Variants in HAAO observed in about 807,000 individuals in gnomAD.
HAAO encodes 3-hydroxyanthranilate oxygenase.
In HAAO, 49 loss-of-function variants were observed where a neutral mutation model predicts 46.2. That is an observed-to-expected ratio of 1.06 (90% CI 0.84 to 1.34). The LOEUF (loss-of-function observed/expected upper bound fraction) is 1.34, where lower values mean the gene tolerates loss of function less well. Ranked by LOEUF, HAAO falls within the 40% of genes most tolerant of loss-of-function variation. The pLI is 0.00. For synonymous variants in HAAO, 157 were observed against 145.2 expected (o/e 1.08, Z -0.58); for missense variants, 408 against 364.5 (o/e 1.12, Z -0.97).
intron 4 of HAAO, 140 bp from the exon 5 acceptor site, chr2:42,770,722 A>G (rs1228615893): frequency 1.8e-6 from 1 of 545,158 alleles, no homozygotes; most frequent in African/African-American, 1.9e-5. Context: ...CCTAGTGGTC[A>G]CTGGTCACTT....
chr2:42,770,027 A>C (rs966726323), intron 6 of HAAO, 116 bp downstream of exon 6: 1 of 1,127,466 alleles, frequency 8.9e-7, no homozygotes, highest in African/African-American at 1.6e-5. Context: ...TCTTCTTAGT[A>C]CCTTGAGGAC....
At chr2:42,770,253 C>A in intron 5 of HAAO, 67 bp from the exon 6 acceptor site, 4 of 1,324,338 alleles carry the variant, frequency 3.0e-6, no homozygotes, top group Non-Finnish European at 4.3e-6. Flanking sequence ...GCGACACACA[C>A]ATACACCACA....
intron 7 of HAAO, 54 bp from the exon 8 acceptor site, chr2:42,767,982 G>C: frequency 6.6e-7 from 1 of 1,520,598 alleles, no homozygotes; most frequent in South Asian, 1.1e-5. Context: ...CATGGGAGAT[G>C]GTCTTGAACC....
intron 1 of HAAO, 90 bp from the exon 2 acceptor site, chr2:42,788,697 G>C (rs1672569863): frequency 1.2e-6 from 1 of 852,370 alleles, no homozygotes; most frequent in Non-Finnish European, 2.0e-6. Context: ...GGGAGCCTGA[G>C]GGCCCCTGGG....
chr2:42,788,676 G>C lies in HAAO; in HGVS notation c.81-69C>G, dbSNP rs868330698. ...GGAGTGAAGAGAGCACGGGTCCCGT[G>C]GGGGCCAGGAGGGAGCCTGAGGGCC... On this transcript the variant is annotated intron_variant, in intron 1 of 9. Transcript: ENST00000294973. The C allele has an allele frequency of 5.1e-5, 52 of 1,024,482 alleles. No individual in the cohort carries two copies. In the Middle Eastern group the frequency reaches 8.4e-3, roughly 165 times the overall value. 63.5% of individuals were successfully genotyped at this position (1,024,482 alleles called of 1,614,324 possible).
chr2:42,780,455 C>T (rs1247284823), intron 4 of HAAO, among the ~76,000 whole-genome samples: 6 of 151,866 alleles, frequency 4.0e-5, no homozygotes, highest in Non-Finnish European at 8.8e-5. Flanking sequence ...ATCCACCCGC[C>T]TCGGCTTCCC....
chr2:42,778,222 A>C (rs187432097), intron 4 of HAAO, among the ~76,000 whole-genome samples: 34 of 151,862 alleles, frequency 2.2e-4, no homozygotes, highest in African/African-American at 8.2e-4. Flanking sequence ...AATTTTTTCA[A>C]AAGTTAAGGT....
At chr2:42,791,923 G>GTGTGTGTGTGTGTGT (rs3040147) in intron 1 of HAAO, among the ~76,000 whole-genome samples, 4 of 150,170 alleles carry the variant, frequency 2.7e-5, no homozygotes, top group Non-Finnish European at 3.0e-5. Context: ...GGTCTGGTGT[G>GTGTGTGTGTGTGTGT]GTGTGTGTGT....
chr2:42,792,473 C>T lies in HAAO; in HGVS notation c.64G>A (p.Val22Ile). 6.3e-7 allele frequency: 1 copy of T among 1,589,820 alleles called. No homozygotes were observed. Among genetic ancestry groups the T allele is most frequent in the Non-Finnish European group, 8.6e-7 (1 of 1,168,482 alleles). The change falls in exon 1 of 10, where the codon GTC (valine) becomes ATC (isoleucine). Residue 22 changes from valine to isoleucine, a missense_variant. Val to Ile is a conservative substitution (Grantham distance 29, BLOSUM62 3). Transcript: ENST00000294973. The part of the protein sequence containing the change: ...KENRGSFQPP[V>I]CNKLMHQEQL... The stretch of plus-strand genomic sequence containing the variant: ...TGGACTCACATGAGCTTGTTGCAGA[C>T]CGGGGGCTGGAAGGAGCCCCGGTTC...
At chr2:42,783,041 C>T (rs1004605606) in intron 4 of HAAO, 22 of 524,748 alleles carry the variant, frequency 4.2e-5, no homozygotes, top group Non-Finnish European at 7.3e-5. Flanking sequence ...CACAACCTCA[C>T]GCAGAAAGCA....
At chr2:42,784,880 A>T (rs1167111036) in intron 2 of HAAO, among the ~76,000 whole-genome samples, 1 of 152,186 alleles carries the variant, frequency 6.6e-6, no homozygotes, top group East Asian at 1.9e-4. Context: ...GTTTATTGGG[A>T]TGCAGGACCC....
At chr2:42,768,020 A>T (rs1169472968) in intron 7 of HAAO, 92 bp from the exon 8 acceptor site, 2 of 1,155,012 alleles carry the variant, frequency 1.7e-6, no homozygotes, top group Non-Finnish European at 2.6e-6. Context: ...GCCTGCTTGG[A>T]GCAGGGTTGG....
At chr2:42,768,075 G>C (rs1218203579) in intron 7 of HAAO, 147 bp from the exon 8 acceptor site, 7 of 679,746 alleles carry the variant, frequency 1.0e-5, no homozygotes, top group Non-Finnish European at 2.5e-6. Flanking sequence ...CAGAGACCAG[G>C]ACTTGGAGAG....
chr2:42,792,004 C>T (rs920390), intron 1 of HAAO, among the ~76,000 whole-genome samples: 120,888 of 151,740 alleles, frequency 0.8, 48,500 homozygotes, highest in Middle Eastern at 0.93. Context: ...CCCAAAGGAG[C>T]GGATTCTCTG....
intron 1 of HAAO, 21 bp from the exon 2 acceptor site, chr2:42,788,628 G>A: frequency 7.2e-7 from 1 of 1,389,072 alleles, no homozygotes. Flanking sequence ...CAAAGTGGGG[G>A]AGACGTTCTA....
intron 4 of HAAO, among the ~76,000 whole-genome samples, chr2:42,773,031 G>T (rs1449630719): frequency 1.3e-5 from 2 of 150,996 alleles, no homozygotes; most frequent in East Asian, 1.9e-4. Flanking sequence ...CAGAGGAAAA[G>T]AATTGGGTGA....
chr2:42,775,157 G>T (rs897867653), intron 4 of HAAO, among the ~76,000 whole-genome samples: 1 of 147,670 alleles, frequency 6.8e-6, no homozygotes, highest in African/African-American at 2.5e-5. Flanking sequence ...TGAGGCAGGA[G>T]AATTGCTTGA....
chr2:42,774,358 G>A (rs1319480682), intron 4 of HAAO, among the ~76,000 whole-genome samples: 2 of 152,220 alleles, frequency 1.3e-5, no homozygotes, highest in East Asian at 1.9e-4. Context: ...CTTGGTACCC[G>A]CGTGAGCTAA....
In HAAO at chr2:42,783,858, G is replaced by A; in HGVS notation, c.169C>T (p.Gln57Ter). 1 of 1,610,428 alleles carries A rather than the reference G, an allele frequency of 6.2e-7. No individual in the cohort carries two copies. The highest frequency in any genetic ancestry group is 8.5e-7 in the Non-Finnish European group (1 of 1,178,344). Reference sequence around the variant, plus strand: ...CGGAGAACCATGTCTCCCTCCAGCTGGTAAAATACCTGTGGGACAGGAGAG... The same window carrying A: ...CGGAGAACCATGTCTCCCTCCAGCTAGTAAAATACCTGTGGGACAGGAGAG... ...HIEEGEEVFY[Q>*]LEGDMVLRVL... The change falls in exon 3 of 10, where the codon CAG becomes TAG. Residue 57 changes from glutamine (Q) to a stop codon, truncating the protein, a stop_gained. Coordinates refer to ENST00000294973, the MANE Select transcript of HAAO (RefSeq NM_012205.3). LOFTEE classifies it high-confidence loss of function.
Sources: allele counts gnomAD v4.1 joint callset (sites outside exome capture counted in the v4.1 genomes callset), GRCh38; gene constraint gnomAD v4.1.1; transcripts MANE v1.5; gene names NCBI Gene and HGNC (gene_info 2026-07-23, HGNC 2026-07-21).